Variants in PCDHGB7 observed in about 807,000 individuals in gnomAD.
PCDHGB7 encodes protocadherin gamma subfamily B, 7, also known as protocadherin gamma-B7.
In PCDHGB7, 37 loss-of-function variants were observed where a neutral mutation model predicts 61.4. The observed-to-expected ratio is 0.60, with a 90% CI of 0.46 to 0.79. PCDHGB7 has a LOEUF of 0.79. Among genes scored for constraint, PCDHGB7 ranks in the 30% least tolerant of loss-of-function variants. The pLI is 0.00. For synonymous variants in PCDHGB7, 464 were observed against 503.5 expected, an observed-to-expected ratio of 0.92 and a Z score of 1.05; for missense variants, 1,166 against 1,202.5, an observed-to-expected ratio of 0.97 and a Z score of 0.45.
Position 141,493,760 on chromosome 5 carries a change from G to C in PCDHGB7, c.2416-1047G>C, listed in dbSNP as rs1268832909. On this transcript the variant is annotated intron_variant, in intron 1 of 3. Coordinates refer to ENST00000398594, the MANE Select transcript of PCDHGB7 (RefSeq NM_018927.4). The surrounding 1 kb of genome is among the most constrained non-coding windows in gnomAD (Gnocchi z 4.3). ...ACTGCCACCTGTGAGCCTTGAGTGA[G>C]CCACTGGCAGTTCCGGAGCTTCCTT... Among the ~76,000 whole-genome samples, 1 of 152,166 alleles carries C rather than the reference G, an allele frequency of 6.6e-6. No individual in the cohort carries two copies. The highest frequency in any genetic ancestry group is 1.5e-5 in the Non-Finnish European group (1 of 68,022).
At chr5:141,495,779 C>A (rs529564820) in intron 2 of PCDHGB7, among the ~76,000 whole-genome samples, 53 of 152,094 alleles carry the variant, frequency 3.5e-4, no homozygotes, top group Non-Finnish European at 4.6e-4. Flanking sequence ...TCCTGGACCT[C>A]TTTTCTGTTT....
intron 1 of PCDHGB7, among the ~76,000 whole-genome samples, chr5:141,484,645 T>C (rs948669787): frequency 1.3e-5 from 2 of 151,970 alleles, no homozygotes; most frequent in Admixed American, 6.6e-5. Context: ...CACTCTCCAA[T>C]GGCTACTCTC....
Position 141,477,483 on chromosome 5 carries a change from A to G in PCDHGB7, c.2416-17324A>G. The G allele has an allele frequency of 6.2e-7, 1 of 1,614,028 alleles. No individual in the cohort carries two copies. On this transcript the variant is annotated intron_variant, in intron 1 of 3. Coordinates refer to ENST00000398594, the MANE Select transcript of PCDHGB7 (RefSeq NM_018927.4). The surrounding 1 kb of genome is among the most constrained non-coding windows in gnomAD (Gnocchi z 4.9). ...TCCGACATCAATGACAACCCTCCAC[A>G]ATCTTCTCAATCTTCCTACGACGTT...
chr5:141,422,576 C>G (rs778942661), intron 1 of PCDHGB7: 1 of 1,614,034 alleles, frequency 6.2e-7, no homozygotes, highest in South Asian at 1.1e-5. Context: ...AACGATAACC[C>G]TCCCGTTTTT....
Position 141,491,869 on chromosome 5 carries a change from G to A in PCDHGB7, c.2416-2938G>A. On this transcript the variant is annotated intron_variant, in intron 1 of 3. Transcript: ENST00000398594. The surrounding 1 kb of genome is among the most constrained non-coding windows in gnomAD (Gnocchi z 6.9). ...GGACCGTTTGCGCGAAACCAGAGTG[G>A]CCGATTAAGGGATGGGGCTCCGAGC... The A allele has an allele frequency of 6.9e-7, 1 of 1,453,094 alleles. No individual in the cohort carries two copies. Among genetic ancestry groups the A allele is most frequent in the Non-Finnish European group, 9.1e-7 (1 of 1,099,380 alleles). 90.0% of individuals were successfully genotyped at this position (1,453,094 alleles called of 1,614,324 possible).
chr5:141,419,798 A>G lies in PCDHGB7; in HGVS notation c.1939A>G (p.Arg647Gly). The G allele has an allele frequency of 6.2e-7, 1 of 1,614,050 alleles. No homozygotes were observed. The highest frequency in any genetic ancestry group is 1.7e-5 in the Admixed American group (1 of 60,032). Residue 647 changes from arginine to glycine, a missense_variant, in exon 1 of 4, where the codon AGA (arginine) becomes GGA (glycine). Physicochemically the swap from Arg to Gly is moderately radical, Grantham distance 125. Coordinates refer to ENST00000398594, the MANE Select transcript of PCDHGB7 (RefSeq NM_018927.4). ...SVRQRLLVAV[R>G]DGGQPPLSAT... ...CCGCCAGCGCCTGCTAGTCGCTGTA[A>G]GAGATGGAGGACAGCCACCCCTTTC...
Position 141,486,320 on chromosome 5 carries a change from G to A in PCDHGB7, c.2416-8487G>A, listed in dbSNP as rs764851576. The stretch of plus-strand genomic sequence containing the variant: ...GCAGGATCCAGACTCAGGGTCAAAC[G>A]GAGATGTGAGCCTCCGCATTCCTGA... On this transcript the variant is annotated intron_variant, in intron 1 of 3. Coordinates refer to ENST00000398594, the MANE Select transcript of PCDHGB7 (RefSeq NM_018927.4). This position sits in a 1 kb window ranked among gnomAD's most constrained non-coding sequence, Gnocchi z 5.0. The A allele has an allele frequency of 6.2e-7, 1 of 1,614,010 alleles. No individual in the cohort carries two copies. Among genetic ancestry groups the A allele is most frequent in the South Asian group, 1.1e-5 (1 of 91,060 alleles).
In PCDHGB7 at chr5:141,477,844, G is replaced by A. The variant is rs748180474; in HGVS notation, c.2416-16963G>A. On this transcript the variant is annotated intron_variant, in intron 1 of 3. Coordinates refer to ENST00000398594, the MANE Select transcript of PCDHGB7 (RefSeq NM_018927.4). This position sits in a 1 kb window ranked among gnomAD's most constrained non-coding sequence, Gnocchi z 4.9. ...TATATCCTCGGCCAGGTGGGAGCTC[G>A]GTGGAGATGCTGCCTCGAGGTACCT... The A allele has an allele frequency of 6.2e-7, 1 of 1,613,394 alleles. No individual in the cohort carries two copies.
chr5:141,480,225 G>A (rs1217912404), intron 1 of PCDHGB7, among the ~76,000 whole-genome samples: 1 of 147,152 alleles, frequency 6.8e-6, no homozygotes, highest in East Asian at 2.0e-4. Flanking sequence ...GCGACATAGT[G>A]AGATCCTGTC....
At chr5:141,488,134 A>G (rs546928916) in intron 1 of PCDHGB7, among the ~76,000 whole-genome samples, 1 of 152,332 alleles carries the variant, frequency 6.6e-6, no homozygotes, top group African/African-American at 2.4e-5. Flanking sequence ...GAAAGAGGAG[A>G]GAACTAAAGG....
Position 141,486,986 on chromosome 5 carries a change from T to C in PCDHGB7, c.2416-7821T>C. Reference sequence around the variant, plus strand: ...GGACTTGGATTCAGGTTACAATGCTTGGGTTTCCTATCAGCTCCTGGAGGC... The same window carrying C: ...GGACTTGGATTCAGGTTACAATGCTCGGGTTTCCTATCAGCTCCTGGAGGC... On this transcript the variant is annotated intron_variant, in intron 1 of 3. Coordinates refer to ENST00000398594, the MANE Select transcript of PCDHGB7 (RefSeq NM_018927.4). The surrounding 1 kb of genome is among the most constrained non-coding windows in gnomAD (Gnocchi z 5.0). 6.2e-7 allele frequency: 1 copy of C among 1,614,214 alleles called. No homozygotes were observed. Among genetic ancestry groups the C allele is most frequent in the South Asian group, 1.1e-5 (1 of 91,088 alleles).
rs1368226100 is a variant in PCDHGB7, at chr5:141,511,268, C to T, written c.*95C>T. The stretch of plus-strand genomic sequence containing the variant: ...CAGGCCTCAGAGTTTCAGGGCTAAC[C>T]CCCAGAATACTGGTAGGGGCCAAGG... On this transcript the variant is annotated 3_prime_UTR_variant, in exon 4 of 4. Coordinates refer to ENST00000398594, the MANE Select transcript of PCDHGB7 (RefSeq NM_018927.4). 1.9e-6 allele frequency: 3 copies of T among 1,546,408 alleles called. No individual in the cohort carries two copies. The highest frequency in any genetic ancestry group is 2.4e-5 in the East Asian group (1 of 41,246).
In PCDHGB7 at chr5:141,511,035, C is replaced by T. The variant is rs373005862; in HGVS notation, c.2652C>T (p.His884=). Residue 884 remains histidine (H), a synonymous_variant, in exon 4 of 4, where the codon CAC becomes CAT. Transcript: ENST00000398594. ...ACGGACCCCAGTTCACCCTGCAGCA[C>T]GTGCCCGACTACCGCCAGAATGTCT... ...ARYGPQFTLQ[H]VPDYRQNVYI... The T allele has an allele frequency of 1.7e-5, 27 of 1,614,208 alleles. No individual in the cohort carries two copies. The African/African-American group carries it at 2.9e-4, about 18-fold the overall frequency.
chr5:141,425,555 A>C (rs1282440598), intron 1 of PCDHGB7, among the ~76,000 whole-genome samples: 2 of 152,388 alleles, frequency 1.3e-5, no homozygotes, highest in Middle Eastern at 6.8e-3. Context: ...AACCTCTTTT[A>C]TAAGTGATAA....
Position 141,420,277 on chromosome 5 carries a change from A to C in PCDHGB7, c.2415+3A>C. The C allele has an allele frequency of 6.6e-7, 1 of 1,518,166 alleles. No homozygotes were observed. Among genetic ancestry groups the C allele is most frequent in the Non-Finnish European group, 8.9e-7 (1 of 1,125,860 alleles). 94.0% of individuals were successfully genotyped at this position (1,518,166 alleles called of 1,614,324 possible). On this transcript the variant is annotated splice_donor_region_variant and intron_variant, in intron 1 of 3. Coordinates refer to ENST00000398594, the MANE Select transcript of PCDHGB7 (RefSeq NM_018927.4). ...CAGATAAGAAGATTCTTAAACAGGT[A>C]AGTATTTAAAAATGTATTTAATCCT...
chr5:141,477,582 A>G lies in PCDHGB7; in HGVS notation c.2416-17225A>G. On this transcript the variant is annotated intron_variant, in intron 1 of 3. Transcript: ENST00000398594. This position sits in a 1 kb window ranked among gnomAD's most constrained non-coding sequence, Gnocchi z 4.9. Reference sequence around the variant, plus strand: ...GTCTGGGACCCCGACGCCCCGCAGAATGCTCGGCTTTCTTTCTTTCTCTTG... The same window carrying G: ...GTCTGGGACCCCGACGCCCCGCAGAGTGCTCGGCTTTCTTTCTTTCTCTTG... The G allele has an allele frequency of 6.2e-7, 1 of 1,614,190 alleles. No homozygotes were observed.
chr5:141,470,297 T>A (rs2099227289), intron 1 of PCDHGB7, among the ~76,000 whole-genome samples: 2 of 152,348 alleles, frequency 1.3e-5, no homozygotes, highest in Admixed American at 1.3e-4. Flanking sequence ...TAACTGTTTT[T>A]ATTCCATTTT....
chr5:141,490,906 G>C lies in PCDHGB7; in HGVS notation c.2416-3901G>C. On this transcript the variant is annotated intron_variant, in intron 1 of 3. Transcript: ENST00000398594. The surrounding 1 kb of genome is among the most constrained non-coding windows in gnomAD (Gnocchi z 5.4). ...CACATCTCTGCATGTGTTTGTCCTA[G>C]ACGAGAATGATAATGCCCCAGCTGT... The C allele has an allele frequency of 1.9e-6, 3 of 1,613,798 alleles. No individual in the cohort carries two copies. The highest frequency in any genetic ancestry group is 2.5e-6 in the Non-Finnish European group (3 of 1,179,808).
At chr5:141,461,817 C>A (rs2099023873) in intron 1 of PCDHGB7, among the ~76,000 whole-genome samples, 1 of 150,844 alleles carries the variant, frequency 6.6e-6, no homozygotes, top group South Asian at 2.1e-4. Flanking sequence ...CCACACCCAG[C>A]TAATTTTTTT....
Sources: gnomAD v4.1 joint callset for allele counts (sites outside exome capture counted in the v4.1 genomes callset) on GRCh38, gnomAD v4.1.1 for gene constraint, Gnocchi (gnomAD v3.1) non-coding constraint, MANE v1.5 for transcripts, NCBI Gene and HGNC (gene_info 2026-07-23, HGNC 2026-07-21) for gene names.